Variants in CRISPLD2 observed in about 807,000 individuals in gnomAD.
CRISPLD2 encodes the protein cysteine-rich secretory protein LCCL domain-containing 2.
Under a neutral mutation model 71.1 loss-of-function variants are expected in CRISPLD2, and 47 were observed. The ratio of observed to expected loss-of-function variants is 0.66; its 90% CI spans 0.52 to 0.84. CRISPLD2 has a LOEUF of 0.84. Among genes scored for constraint, CRISPLD2 ranks in the 40% least tolerant of loss-of-function variants. CRISPLD2 has a pLI of 0.00. For synonymous variants in CRISPLD2, 317 were observed against 250.1 expected (o/e 1.27, Z -2.52); for missense variants, 830 against 651.1 (o/e 1.27, Z -2.99).
intron 1 of CRISPLD2, among the ~76,000 whole-genome samples, chr16:84,829,741 G>A (rs1916441298): frequency 6.6e-6 from 1 of 152,238 alleles, no homozygotes; most frequent in Non-Finnish European, 1.5e-5. Context: ...GGCCTTATGT[G>A]TGACCACAGG....
At chr16:84,869,282 G>T (rs557687962) in intron 8 of CRISPLD2, among the ~76,000 whole-genome samples, 6 of 152,330 alleles carry the variant, frequency 3.9e-5, no homozygotes, top group Admixed American at 1.3e-4. Flanking sequence ...TGACTGCTGG[G>T]CTGTTCTTTG....
intron 6 of CRISPLD2, among the ~76,000 whole-genome samples, chr16:84,857,750 C>T (rs1917280377): frequency 6.6e-6 from 1 of 152,184 alleles, no homozygotes; most frequent in African/African-American, 2.4e-5. Context: ...TAGGGAACTC[C>T]CCATGAGGCC....
intron 6 of CRISPLD2, among the ~76,000 whole-genome samples, chr16:84,857,103 A>G (rs1917260994): frequency 6.6e-6 from 1 of 152,190 alleles, no homozygotes; most frequent in Admixed American, 6.5e-5. Flanking sequence ...TCGAGGGCTC[A>G]GTGTTGGTCT....
rs1483740759 is a variant in CRISPLD2 at position 84,820,179 on chromosome 16, C to G, written c.-75+46C>G. 4 of 152,200 alleles carry G rather than the reference C, an allele frequency of 2.6e-5. No homozygotes were observed. The East Asian group carries it at 7.7e-4, about 29-fold the overall frequency. 9.4% of individuals were successfully genotyped at this position (152,200 alleles called of 1,614,324 possible). A position where few individuals can be genotyped will look rare whatever the true frequency, so the allele number is the denominator to read the frequency against. Reference sequence around the variant, plus strand: ...TCTCCCTTTTGCAAACTGTTACCCCCCCGAGAAGCTGGAATAACTAGGACA... The same window carrying G: ...TCTCCCTTTTGCAAACTGTTACCCCGCCGAGAAGCTGGAATAACTAGGACA... On this transcript the variant is annotated intron_variant, in intron 1 of 14. Coordinates refer to ENST00000262424, the MANE Select transcript of CRISPLD2 (RefSeq NM_031476.4).
At position 84,907,307 on chromosome 16, in the gene CRISPLD2, G is replaced by A. The variant is rs1442170414; in HGVS notation, c.*665G>A. ...CGCATTCAGGATGGCTCTATACACA[G>A]CAGTGCTGGTTTATGTAGAGTTCAG... On this transcript the variant is annotated 3_prime_UTR_variant, in exon 15 of 15. Transcript: ENST00000262424. 6.4e-6 allele frequency: 1 copy of A among 155,252 alleles called. No individual in the cohort carries two copies. Among genetic ancestry groups the A allele is most frequent in the African/African-American group, 2.4e-5 (1 of 41,458 alleles). The allele number at this position is 155,252 out of a possible 1,614,324, so 9.6% of individuals were successfully genotyped here.
chr16:84,858,712 C>A (rs890487052), intron 6 of CRISPLD2, among the ~76,000 whole-genome samples: 1 of 152,190 alleles, frequency 6.6e-6, no homozygotes, highest in Non-Finnish European at 1.5e-5. Flanking sequence ...TTGATATACC[C>A]CTGAGCTTAG....
intron 14 of CRISPLD2, among the ~76,000 whole-genome samples, chr16:84,898,229 A>G (rs1015712249): frequency 3.3e-5 from 5 of 152,184 alleles, no homozygotes; most frequent in Non-Finnish European, 7.3e-5. Context: ...TCCTAATGCA[A>G]TGCACAGTGT....
intron 14 of CRISPLD2, among the ~76,000 whole-genome samples, chr16:84,904,589 A>G (rs2071784656): frequency 6.6e-6 from 1 of 151,580 alleles, no homozygotes; most frequent in Non-Finnish European, 1.5e-5. Context: ...GTCTCAAAAA[A>G]AGGTAAAAAA....
intron 10 of CRISPLD2, 146 bp from the exon 11 acceptor site, chr16:84,873,774 G>T: frequency 1.3e-6 from 1 of 748,224 alleles, no homozygotes; most frequent in Non-Finnish European, 2.1e-6. Context: ...AACATTCTAA[G>T]AGCTCTCAGG....
intron 1 of CRISPLD2, among the ~76,000 whole-genome samples, chr16:84,829,627 G>C (rs1264494246): frequency 2.0e-5 from 3 of 152,216 alleles, no homozygotes; most frequent in Non-Finnish European, 4.4e-5. Context: ...GAGTGGTGCA[G>C]GGCCACAGGT....
At chr16:84,840,939 T>C (rs1916753595) in intron 2 of CRISPLD2, among the ~76,000 whole-genome samples, 1 of 152,240 alleles carries the variant, frequency 6.6e-6, no homozygotes, top group South Asian at 2.1e-4. Context: ...TATTTTTGAG[T>C]GCCTCCCGTG....
chr16:84,889,297 A>C lies in CRISPLD2; in HGVS notation c.1373A>C (p.Asp458Ala), dbSNP rs1360809221. Reference protein sequence around the residue: ...VISNESGGDVDVMPVDKKKTY... With the variant: ...VISNESGGDVAVMPVDKKKTY... The stretch of plus-strand genomic sequence containing the variant: ...AGCAACGAGAGTGGGGGTGACGTGG[A>C]CGTGATGCCCGTGGATAAAAAGAAG... Residue 458 changes from aspartate (D) to alanine (A), a missense_variant, in exon 14 of 15, where the codon GAC becomes GCC. By Grantham distance (126) the Asp-to-Ala change is moderately radical (BLOSUM62 -2). Transcript: ENST00000262424. The C allele has an allele frequency of 6.2e-7, 1 of 1,614,108 alleles. No individual in the cohort carries two copies. The highest frequency in any genetic ancestry group is 8.5e-7 in the Non-Finnish European group (1 of 1,180,004).
chr16:84,830,452 T>G (rs1268730252), intron 1 of CRISPLD2, among the ~76,000 whole-genome samples: 2 of 152,096 alleles, frequency 1.3e-5, no homozygotes, highest in East Asian at 3.9e-4. Flanking sequence ...GCCTGTAATC[T>G]TGGCACTTTG....
rs765172863 is a variant in CRISPLD2 at position 84,889,356 on chromosome 16, T to A, written c.1432T>A (p.Ser478Thr). The A allele has an allele frequency of 6.0e-5, 96 of 1,611,878 alleles. No homozygotes were observed. Among genetic ancestry groups the A allele is most frequent in the Non-Finnish European group, 7.9e-5 (93 of 1,178,686 alleles). ...YVGSLRNGVQ[S>T]ESLGTPRDGK... ...GGGCTCGCTCAGGAATGGAGTTCAG[T>A]CTGAAAGGTAGGGTGGTGTTCTCCA... The change falls in exon 14 of 15, where the codon TCT (serine) becomes ACT (threonine). Residue 478 changes from serine to threonine, a missense_variant. Physicochemically the swap from Ser to Thr is moderately conservative, Grantham distance 58. Transcript: ENST00000262424.
intron 1 of CRISPLD2, among the ~76,000 whole-genome samples, chr16:84,826,003 T>C (rs1002767773): frequency 6.6e-6 from 1 of 151,034 alleles, no homozygotes; most frequent in Non-Finnish European, 1.5e-5. Flanking sequence ...TGAGGACTCA[T>C]AGAAATGCAG....
intron 2 of CRISPLD2, chr16:84,839,048 G>A: frequency 4.4e-6 from 2 of 452,318 alleles, no homozygotes; most frequent in Non-Finnish European, 8.4e-6. Flanking sequence ...ATGGTGCCCA[G>A]CTAGATTTTA....
In CRISPLD2 at chr16:84,854,719, C is replaced by A; in HGVS notation, c.609-10C>A. The A allele has an allele frequency of 6.2e-7, 1 of 1,611,284 alleles. No individual in the cohort carries two copies. On this transcript the variant is annotated splice_polypyrimidine_tract_variant and intron_variant, in intron 5 of 14. Coordinates refer to ENST00000262424, the MANE Select transcript of CRISPLD2 (RefSeq NM_031476.4). ...TTCCCTCTGACGGTTGTTTTTGGGTCTGTCCTCAGGGGGAACTGGATTGGA... is the reference window on the plus strand; with the variant it reads ...TTCCCTCTGACGGTTGTTTTTGGGTATGTCCTCAGGGGGAACTGGATTGGA...
At chr16:84,877,561 C>G (rs757882775) in intron 12 of CRISPLD2, 51 bp downstream of exon 12, 3 of 1,577,028 alleles carry the variant, frequency 1.9e-6, no homozygotes, top group Admixed American at 3.4e-5. Flanking sequence ...TTAGAAGTAG[C>G]TTTTTAGGCT....
chr16:84,860,881 A>C (rs1917361135), intron 6 of CRISPLD2, among the ~76,000 whole-genome samples: 1 of 152,184 alleles, frequency 6.6e-6, no homozygotes, highest in Non-Finnish European at 1.5e-5. Context: ...CACTCATGAT[A>C]ATCTTAGCAG....
Sources: allele counts gnomAD v4.1 joint callset (sites outside exome capture counted in the v4.1 genomes callset), GRCh38; gene constraint gnomAD v4.1.1; transcripts MANE v1.5; gene names NCBI Gene and HGNC (gene_info 2026-07-23, HGNC 2026-07-21).